Variants in RASGEF1A observed in about 807,000 individuals in gnomAD.
The protein encoded by RASGEF1A is RasGEF domain family member 1A.
Under a neutral mutation model 56.4 loss-of-function variants are expected in RASGEF1A, and 18 were observed. The ratio of observed to expected loss-of-function variants is 0.32; its 90% CI spans 0.22 to 0.47. The LOEUF is 0.47. Ranked by LOEUF, RASGEF1A falls within the 20% of genes least tolerant of loss-of-function variation. The pLI, the probability that RASGEF1A is intolerant of heterozygous loss-of-function variation, is 1.00. For missense variants in RASGEF1A, 422 were observed against 627.1 expected, an observed-to-expected ratio of 0.67 and a Z score of 3.49; for synonymous variants, 245 against 242.6, an observed-to-expected ratio of 1.01 and a Z score of -0.09.
At chr10:43,210,333 G>A (rs1014444512) in intron 1 of RASGEF1A, among the ~76,000 whole-genome samples, 1 of 152,078 alleles carries the variant, frequency 6.6e-6, no homozygotes, top group Non-Finnish European at 1.5e-5. Context: ...AATTAGCCAG[G>A]TGTGGTGGCA....
At chr10:43,209,686 C>G (rs1049043683) in intron 1 of RASGEF1A, among the ~76,000 whole-genome samples, 1 of 142,910 alleles carries the variant, frequency 7.0e-6, no homozygotes, top group African/African-American at 2.5e-5. Flanking sequence ...CAGGAAGCCC[C>G]CCCACCAGGG....
chr10:43,210,575 G>A (rs1222909812), intron 1 of RASGEF1A, among the ~76,000 whole-genome samples: 2 of 152,350 alleles, frequency 1.3e-5, no homozygotes, highest in Admixed American at 1.3e-4. Flanking sequence ...CCCCTGCCTG[G>A]ACAACTGATT....
chr10:43,196,645 A>G lies in RASGEF1A; in HGVS notation c.1349-97T>C. 8.6e-7 allele frequency: 1 copy of G among 1,159,084 alleles called. No individual in the cohort carries two copies. Among genetic ancestry groups the G allele is most frequent in the Non-Finnish European group, 1.3e-6 (1 of 779,154 alleles). The allele number at this position is 1,159,084 out of a possible 1,614,324, so 71.8% of individuals were successfully genotyped here. ...GGAGTACAGCCCAGCACAAGGGGACAGTGACCTCTGGCTGGGCTGAACACA... is the reference window on the plus strand; with the variant it reads ...GGAGTACAGCCCAGCACAAGGGGACGGTGACCTCTGGCTGGGCTGAACACA... On this transcript the variant is annotated intron_variant, in intron 11 of 12. Transcript: ENST00000395810. This position sits in a 1 kb window ranked among gnomAD's most constrained non-coding sequence, Gnocchi z 4.6.
intron 1 of RASGEF1A, among the ~76,000 whole-genome samples, chr10:43,263,692 G>C (rs909447437): frequency 6.6e-6 from 1 of 152,110 alleles, no homozygotes; most frequent in Non-Finnish European, 1.5e-5. Context: ...ACCCCAGCCC[G>C]GGCAGTGCCC....
At chr10:43,222,227 AG>A (rs1426022346) in intron 1 of RASGEF1A, among the ~76,000 whole-genome samples, 1 of 152,210 alleles carries the variant, frequency 6.6e-6, no homozygotes, top group East Asian at 1.9e-4. Context: ...TATGAATCTC[AG>A]GGGACCACTA....
chr10:43,200,486 G>C (rs1174250639), intron 5 of RASGEF1A, among the ~76,000 whole-genome samples, 181 bp downstream of exon 5: 1 of 152,352 alleles, frequency 6.6e-6, no homozygotes, highest in East Asian at 1.9e-4. Context: ...GTGAGTGCCA[G>C]GCACAGAGGT....
Position 43,200,974 on chromosome 10 carries a change from G to A in RASGEF1A, c.460-86C>T, listed in dbSNP as rs1839888029. The A allele has an allele frequency of 2.3e-6, 3 of 1,277,578 alleles. No individual in the cohort carries two copies. The African/African-American group carries it at 4.4e-5, about 19-fold the overall frequency. The allele number at this position is 1,277,578 out of a possible 1,614,324, so 79.1% of individuals were successfully genotyped here. On this transcript the variant is annotated intron_variant, in intron 4 of 12. Coordinates refer to ENST00000395810, the MANE Select transcript of RASGEF1A (RefSeq NM_145313.4). ...TGGGTAGGATCCATCTCACCTCCAG[G>A]GATGTGCCTAACCAACGTGAGCCCA...
chr10:43,218,345 G>A (rs1352706545), intron 1 of RASGEF1A, among the ~76,000 whole-genome samples: 1 of 152,246 alleles, frequency 6.6e-6, no homozygotes, highest in Non-Finnish European at 1.5e-5. Context: ...CCTGCTTCTA[G>A]GCAGGTGGAC....
chr10:43,250,450 G>A (rs1173975255), intron 1 of RASGEF1A, among the ~76,000 whole-genome samples: 1 of 152,244 alleles, frequency 6.6e-6, no homozygotes, highest in Non-Finnish European at 1.5e-5. Context: ...CTTGACATAA[G>A]TCACTCTCAG....
At chr10:43,244,828 T>A (rs1469645113) in intron 1 of RASGEF1A, among the ~76,000 whole-genome samples, 3 of 152,002 alleles carry the variant, frequency 2.0e-5, no homozygotes, top group Admixed American at 6.6e-5. Context: ...AGTTTAAAAA[T>A]ATATATATAA....
chr10:43,239,129 G>T (rs1227951107), intron 1 of RASGEF1A, among the ~76,000 whole-genome samples: 1 of 152,144 alleles, frequency 6.6e-6, no homozygotes, highest in African/African-American at 2.4e-5. Context: ...GCAGCTGCAG[G>T]GTATTCCACT....
chr10:43,244,647 CT>C (rs573296993), intron 1 of RASGEF1A, among the ~76,000 whole-genome samples: 40 of 138,920 alleles, frequency 2.9e-4, no homozygotes, highest in African/African-American at 8.2e-4. Flanking sequence ...CAAAAACAAT[CT>C]GGGAAATTTA....
In RASGEF1A at chr10:43,229,735, G is replaced by T. The variant is rs915148885; in HGVS notation, c.-6-23613C>A. The T allele has an allele frequency of 1.9e-5, 26 of 1,388,236 alleles. No individual in the cohort carries two copies. The Admixed American group carries it at 4.5e-4, about 24-fold the overall frequency. 86.0% of individuals were successfully genotyped at this position (1,388,236 alleles called of 1,614,324 possible). ...GCTCCTCTGCCCGCGAGCCAAGCAA[G>T]CACCCACTCCTGCGCCGGCCCCTGC... On this transcript the variant is annotated intron_variant, in intron 1 of 12. Coordinates refer to ENST00000395810, the MANE Select transcript of RASGEF1A (RefSeq NM_145313.4).
intron 1 of RASGEF1A, among the ~76,000 whole-genome samples, chr10:43,215,790 G>A (rs1180255073): frequency 1.3e-5 from 2 of 152,178 alleles, no homozygotes; most frequent in Non-Finnish European, 2.9e-5. Flanking sequence ...GGCCACAGAT[G>A]GCGACATGAT....
intron 1 of RASGEF1A, among the ~76,000 whole-genome samples, chr10:43,252,774 T>C (rs1197087942): frequency 6.6e-6 from 1 of 152,092 alleles, no homozygotes; most frequent in Non-Finnish European, 1.5e-5. Context: ...CCACAGAGGC[T>C]TGCAGGCTCC....
chr10:43,211,086 C>A (rs1270864672), intron 1 of RASGEF1A, among the ~76,000 whole-genome samples: 2 of 152,206 alleles, frequency 1.3e-5, no homozygotes, highest in Non-Finnish European at 1.5e-5. Context: ...AATTATAGAG[C>A]TAATCAATGC....
At chr10:43,257,601 C>G (rs892385555) in intron 1 of RASGEF1A, among the ~76,000 whole-genome samples, 1 of 152,192 alleles carries the variant, frequency 6.6e-6, no homozygotes, top group Admixed American at 6.5e-5. Context: ...TGCGCTTCCC[C>G]CGGGCCTCCC....
chr10:43,211,240 C>T (rs1588933922), intron 1 of RASGEF1A, among the ~76,000 whole-genome samples: 2 of 152,292 alleles, frequency 1.3e-5, no homozygotes, highest in South Asian at 2.1e-4. Flanking sequence ...AGAGGGGTGC[C>T]CTCTTCCATC....
intron 2 of RASGEF1A, among the ~76,000 whole-genome samples, chr10:43,205,114 A>G (rs936004544): frequency 2.6e-5 from 4 of 152,188 alleles, no homozygotes; most frequent in Non-Finnish European, 5.9e-5. Flanking sequence ...TGGAAGCTAG[A>G]GGGCAGCATC....
Sources: gnomAD v4.1 joint callset for allele counts (sites outside exome capture counted in the v4.1 genomes callset) on GRCh38, gnomAD v4.1.1 for gene constraint, Gnocchi (gnomAD v3.1) non-coding constraint, MANE v1.5 for transcripts, NCBI Gene and HGNC (gene_info 2026-07-23, HGNC 2026-07-21) for gene names.